The following GRIP1 variants were observed in gnomAD, a reference collection of about 807,000 sequenced individuals.
GRIP1 encodes the protein glutamate receptor-interacting protein 1.
GRIP1 carries 45 observed loss-of-function variants against 129.9 expected under a neutral mutation model. That is an observed-to-expected ratio of 0.35 (90% CI 0.27 to 0.44). GRIP1 has a LOEUF of 0.44. GRIP1 is among the 20% of genes least tolerant of loss of function. The pLI is 1.00. For missense variants in GRIP1, 1,196 were observed against 1,396.8 expected (o/e 0.86, Z 2.29); for synonymous variants, 530 against 520.8 (o/e 1.02, Z -0.24).
intron 1 of GRIP1, among the ~76,000 whole-genome samples, chr12:66,688,978 C>G (rs2034882529): frequency 6.6e-6 from 1 of 152,108 alleles, no homozygotes; most frequent in African/African-American, 2.4e-5. Flanking sequence ...CACAAGCCCC[C>G]TGCAGTCTAG....
At chr12:66,598,836 A>G (rs899020616) in intron 1 of GRIP1, among the ~76,000 whole-genome samples, 4 of 152,128 alleles carry the variant, frequency 2.6e-5, no homozygotes, top group African/African-American at 9.7e-5. Flanking sequence ...TCAGTTTTCT[A>G]TTTGTCAAGA....
At chr12:67,059,354 G>A (rs961320979) in intron 1 of GRIP1, among the ~76,000 whole-genome samples, 2 of 152,200 alleles carry the variant, frequency 1.3e-5, no homozygotes, top group African/African-American at 2.4e-5. Flanking sequence ...GACATTCAAA[G>A]ATCAAATAGG....
intron 1 of GRIP1, among the ~76,000 whole-genome samples, chr12:67,024,475 C>T (rs2042912471): frequency 6.6e-6 from 1 of 152,238 alleles, no homozygotes; most frequent in South Asian, 2.1e-4. Flanking sequence ...CGGGCCAAGG[C>T]AGCATGTCTG....
chr12:67,058,144 A>T (rs953779271), intron 1 of GRIP1, among the ~76,000 whole-genome samples: 2 of 152,222 alleles, frequency 1.3e-5, no homozygotes, highest in African/African-American at 4.8e-5. Context: ...CCATTCACAG[A>T]TTATATACCA....
upstream of GRIP1, among the ~76,000 whole-genome samples, chr12:67,069,323 CGGCGGCGGCCGGGCCG>C (rs1220016069): frequency 7.1e-5 from 10 of 139,956 alleles, no homozygotes; most frequent in East Asian, 8.8e-4. Flanking sequence ...GCGGCGGCGG[CGGCGGCGGCCGGGCCG>C]GGCCGGGCCG....
intron 7 of GRIP1, among the ~76,000 whole-genome samples, chr12:66,471,620 C>G (rs575507534): frequency 5.3e-5 from 8 of 152,126 alleles, no homozygotes; most frequent in African/African-American, 1.9e-4. Flanking sequence ...ATGCAGTTCT[C>G]ACTATTGGAA....
At chr12:66,869,378 G>C (rs1240078382) in intron 1 of GRIP1, among the ~76,000 whole-genome samples, 1 of 152,054 alleles carries the variant, frequency 6.6e-6, no homozygotes, top group Non-Finnish European at 1.5e-5. Context: ...ACCTTTCCAA[G>C]TGAATTGCAT....
At chr12:66,708,269 A>G (rs1253194969) in intron 1 of GRIP1, among the ~76,000 whole-genome samples, 1 of 152,010 alleles carries the variant, frequency 6.6e-6, no homozygotes, top group Non-Finnish European at 1.5e-5. Flanking sequence ...ACAGAATTAG[A>G]CACAGCTCCC....
intron 2 of GRIP1, among the ~76,000 whole-genome samples, chr12:66,559,736 G>A (rs2139385359): frequency 6.6e-6 from 1 of 152,222 alleles, no homozygotes; most frequent in East Asian, 1.9e-4. Context: ...TTGTTACGAT[G>A]TCATACTACG....
intron 1 of GRIP1, among the ~76,000 whole-genome samples, chr12:66,916,250 G>A (rs932794427): frequency 6.6e-6 from 1 of 152,228 alleles, no homozygotes; most frequent in Non-Finnish European, 1.5e-5. Context: ...TGGGGCCCCT[G>A]CAAATAACAC....
At position 66,987,661 on chromosome 12, in the gene GRIP1, T is replaced by G. The variant is rs530271046; in HGVS notation, c.58+81389A>C. Among the ~76,000 whole-genome samples the G allele has an allele frequency of 2.0e-5, 3 of 152,318 alleles. No homozygotes were observed. In the East Asian group the frequency reaches 5.8e-4, roughly 29 times the overall value. On this transcript the variant is annotated intron_variant, in intron 1 of 1. Transcript: ENST00000643019. ...TCAATCTTTTCCAAAGGAGCATTAC[T>G]TGAGCCTGGTTTTTTCAACAGCTTG...
intron 1 of GRIP1, among the ~76,000 whole-genome samples, chr12:67,031,144 G>A (rs1162502916): frequency 1.3e-5 from 2 of 152,162 alleles, no homozygotes; most frequent in Non-Finnish European, 2.9e-5. Context: ...TGGGCTGACA[G>A]GAAGCTGCCT....
At chr12:66,893,596 T>C (rs1737526489) in intron 1 of GRIP1, among the ~76,000 whole-genome samples, 1 of 152,234 alleles carries the variant, frequency 6.6e-6, no homozygotes. Flanking sequence ...TTTTTCCATT[T>C]ACCCATTGAG....
chr12:66,702,324 A>G (rs773018906), intron 1 of GRIP1, among the ~76,000 whole-genome samples: 2 of 152,170 alleles, frequency 1.3e-5, no homozygotes, highest in Admixed American at 1.3e-4. Flanking sequence ...TGATATTTCT[A>G]TCTAATAGTG....
At chr12:66,688,209 G>A (rs1466445217) in intron 1 of GRIP1, among the ~76,000 whole-genome samples, 1 of 152,128 alleles carries the variant, frequency 6.6e-6, no homozygotes, top group Non-Finnish European at 1.5e-5. Flanking sequence ...TGGGATCAAA[G>A]AGTCTTGTCT....
At chr12:66,408,818 G>T (rs185570040) in intron 15 of GRIP1, among the ~76,000 whole-genome samples, 1 of 152,152 alleles carries the variant, frequency 6.6e-6, no homozygotes, top group Non-Finnish European at 1.5e-5. Context: ...GAAGAGTCCC[G>T]GCCCTGGCAG....
At chr12:66,604,180 C>T (rs1007045570) in intron 1 of GRIP1, among the ~76,000 whole-genome samples, 5 of 152,142 alleles carry the variant, frequency 3.3e-5, no homozygotes, top group Non-Finnish European at 5.9e-5. Context: ...GCGATGGCCC[C>T]GGAGCATCTG....
intron 1 of GRIP1, among the ~76,000 whole-genome samples, chr12:66,997,289 G>A (rs945539591): frequency 2.0e-5 from 3 of 151,636 alleles, no homozygotes; most frequent in African/African-American, 7.3e-5. Context: ...ATTAAATAAG[G>A]ACAGGAAAGC....
At chr12:66,446,899 T>C (rs1481819173) in intron 11 of GRIP1, among the ~76,000 whole-genome samples, 1 of 152,202 alleles carries the variant, frequency 6.6e-6, no homozygotes, top group Non-Finnish European at 1.5e-5. Flanking sequence ...GTTGATCACA[T>C]ACCCTTTATT....
Sources: gnomAD v4.1 joint callset for allele counts (sites outside exome capture counted in the v4.1 genomes callset) on GRCh38, gnomAD v4.1.1 for gene constraint, MANE v1.5 for transcripts, NCBI Gene and HGNC (gene_info 2026-07-23, HGNC 2026-07-21) for gene names.